The following GAB1 variants were observed in gnomAD, a reference collection of about 807,000 sequenced individuals.
The protein encoded by GAB1 is GRB2-associated-binding protein 1.
A neutral mutation model predicts 66.5 loss-of-function variants in GAB1; 19 were observed. That is an observed-to-expected ratio of 0.29 (90% confidence interval 0.20 to 0.42). The LOEUF is 0.42. GAB1 is among the 10% of genes least tolerant of loss of function. The pLI is 1.00. For missense variants in GAB1, 732 were observed against 858.5 expected (o/e 0.85, Z 1.84); for synonymous variants, 294 against 301.4 (o/e 0.98, Z 0.25).
chr4:143,385,862 G>A (rs745319612), intron 1 of GAB1, among the ~76,000 whole-genome samples: 2 of 152,148 alleles, frequency 1.3e-5, no homozygotes, highest in Non-Finnish European at 2.9e-5. Flanking sequence ...TGTATTGGCC[G>A]GTTATGGTAG....
intron 1 of GAB1, among the ~76,000 whole-genome samples, chr4:143,393,916 G>A (rs751814660): frequency 6.6e-6 from 1 of 152,104 alleles, no homozygotes; most frequent in South Asian, 2.1e-4. Context: ...AGCATAAGAA[G>A]AAATAAAGTG....
chr4:143,451,481 CTT>C (rs1255410385), intron 6 of GAB1, among the ~76,000 whole-genome samples: 1 of 152,058 alleles, frequency 6.6e-6, no homozygotes, highest in African/African-American at 2.4e-5. Flanking sequence ...GGCACATAAA[CTT>C]TAAGATTTAT....
At chr4:143,345,683 A>G (rs1451262750) in intron 1 of GAB1, among the ~76,000 whole-genome samples, 1 of 152,240 alleles carries the variant, frequency 6.6e-6, no homozygotes, top group Non-Finnish European at 1.5e-5. Flanking sequence ...CTCCTGTCAG[A>G]AGAGGGGCAA....
intron 2 of GAB1, among the ~76,000 whole-genome samples, chr4:143,419,067 A>G (rs1732867552): frequency 6.6e-6 from 1 of 152,192 alleles, no homozygotes; most frequent in South Asian, 2.1e-4. Context: ...ATATTAGGTG[A>G]TTAGTTAAGG....
chr4:143,446,177 T>G (rs1038740874), intron 6 of GAB1, among the ~76,000 whole-genome samples: 1 of 152,136 alleles, frequency 6.6e-6, no homozygotes, highest in Non-Finnish European at 1.5e-5. Context: ...CCACATTTTC[T>G]TAATCCAGTC....
chr4:143,467,843 A>G (rs961649203), intron 9 of GAB1, among the ~76,000 whole-genome samples: 4 of 152,114 alleles, frequency 2.6e-5, no homozygotes, highest in African/African-American at 9.7e-5. Context: ...CATTCATCCT[A>G]AAGCCAACAC....
intron 1 of GAB1, among the ~76,000 whole-genome samples, chr4:143,358,459 T>G (rs1278832416): frequency 6.6e-6 from 1 of 152,210 alleles, no homozygotes; most frequent in African/African-American, 2.4e-5. Flanking sequence ...CATGTCAATT[T>G]GTTGTATTTG....
rs762320024 is a variant in GAB1, at chr4:143,460,317, A to T, written c.1680-47A>T. 1.2e-5 allele frequency: 19 copies of T among 1,587,562 alleles called. No homozygotes were observed. In the South Asian group the frequency reaches 2.0e-4, roughly 17 times the overall value. ...ATTTTTATTTGGGGAATAATTTTAG[A>T]TATTTTTGTCAAGGCTTATGTTTGT... On this transcript the variant is annotated intron_variant, in intron 7 of 9. Transcript: ENST00000262994.
intron 1 of GAB1, among the ~76,000 whole-genome samples, chr4:143,363,688 G>T (rs1729754584): frequency 2.0e-5 from 3 of 152,180 alleles, no homozygotes; most frequent in Admixed American, 2.0e-4. Context: ...ATGAGGTGCG[G>T]TGATAGAACC....
chr4:143,356,652 T>TAAA, intron 1 of GAB1, among the ~76,000 whole-genome samples: 1 of 152,324 alleles, frequency 6.6e-6, no homozygotes, highest in South Asian at 2.1e-4. Context: ...ACGCCTGTTT[T>TAAA]AACCTGCACA....
rs541133439 is a variant in GAB1, at chr4:143,337,936, T to TG, written c.72+683dup. Among the ~76,000 whole-genome samples the TG allele has an allele frequency of 7.2e-4, 109 of 152,082 alleles. No homozygotes were observed. In the Middle Eastern group the frequency reaches 0.01, roughly 14 times the overall value. Reference sequence around the variant, plus strand: ...GCGGTTTGCTGCGAGAGGAGGGCGCTGGGGGGGAGCCTAGTGGCTGGTGTT... The same window carrying TG: ...GCGGTTTGCTGCGAGAGGAGGGCGCTGGGGGGGGAGCCTAGTGGCTGGTGTT... On this transcript the variant is annotated intron_variant, in intron 1 of 9. Transcript: ENST00000262994.
At chr4:143,463,500 G>A (rs1267360824) in intron 8 of GAB1, among the ~76,000 whole-genome samples, 1 of 151,616 alleles carries the variant, frequency 6.6e-6, no homozygotes. Flanking sequence ...GCAGGCGCCT[G>A]TAATCCCAGT....
chr4:143,366,742 G>A (rs1310134110), intron 1 of GAB1, among the ~76,000 whole-genome samples: 1 of 151,958 alleles, frequency 6.6e-6, no homozygotes, highest in Non-Finnish European at 1.5e-5. Flanking sequence ...TTATTATTTT[G>A]AGACATGGTC....
At chr4:143,365,807 C>T (rs548642597) in intron 1 of GAB1, among the ~76,000 whole-genome samples, 1 of 152,302 alleles carries the variant, frequency 6.6e-6, no homozygotes, top group African/African-American at 2.4e-5. Context: ...AATGAATCTA[C>T]TTACATGCAG....
chr4:143,450,995 A>G (rs1734899664), intron 6 of GAB1, among the ~76,000 whole-genome samples: 1 of 152,176 alleles, frequency 6.6e-6, no homozygotes, highest in South Asian at 2.1e-4. Flanking sequence ...TTAAGCACCT[A>G]TCAGTTACAG....
chr4:143,425,828 C>T, intron 2 of GAB1: 2 of 965,968 alleles, frequency 2.1e-6, no homozygotes, highest in Non-Finnish European at 3.3e-6. Flanking sequence ...TTCAGCAGTT[C>T]CCTTCTGAAG....
At chr4:143,367,335 G>T (rs1729924045) in intron 1 of GAB1, among the ~76,000 whole-genome samples, 1 of 152,124 alleles carries the variant, frequency 6.6e-6, no homozygotes, top group African/African-American at 2.4e-5. Context: ...CTGGTAGTGG[G>T]ACTGGTGGCA....
intron 8 of GAB1, among the ~76,000 whole-genome samples, chr4:143,464,985 CATT>C (rs1432885426): frequency 1.3e-5 from 2 of 152,136 alleles, no homozygotes; most frequent in Non-Finnish European, 2.9e-5. Context: ...TTTGTTAAAT[CATT>C]ATGATTTTCT....
At chr4:143,440,446 C>T in intron 6 of GAB1, 64 bp downstream of exon 6, 5 of 1,397,654 alleles carry the variant, frequency 3.6e-6, no homozygotes, top group Non-Finnish European at 4.8e-6. Context: ...CTTTAACTGC[C>T]ATTAAATCCA....
Sources: gnomAD v4.1 joint callset for allele counts (sites outside exome capture counted in the v4.1 genomes callset) on GRCh38, gnomAD v4.1.1 for gene constraint, MANE v1.5 for transcripts, NCBI Gene and HGNC (gene_info 2026-07-23, HGNC 2026-07-21) for gene names.